SNCAIP: variants seen among roughly 807,000 people sequenced by gnomAD.
The protein encoded by SNCAIP is synphilin-1.
SNCAIP carries 43 observed loss-of-function variants against 86.7 expected under a neutral mutation model. The observed-to-expected ratio is 0.50, with a 90% CI of 0.39 to 0.64. The LOEUF (loss-of-function observed/expected upper bound fraction) is 0.64, where lower values mean the gene tolerates loss of function less well. Among genes scored for constraint, SNCAIP ranks in the 30% least tolerant of loss-of-function variants. The pLI, the probability that SNCAIP is intolerant of heterozygous loss-of-function variation, is 0.00. For synonymous variants in SNCAIP, 417 were observed against 427.2 expected, an observed-to-expected ratio of 0.98 and a Z score of 0.29; for missense variants, 981 against 1,103.1, an observed-to-expected ratio of 0.89 and a Z score of 1.57.
At chr5:122,394,274 T>TA (rs1770108499) in intron 2 of SNCAIP, among the ~76,000 whole-genome samples, 1 of 152,350 alleles carries the variant, frequency 6.6e-6, no homozygotes, top group African/African-American at 2.4e-5. Flanking sequence ...CTAGGCTTTC[T>TA]ATTCCATGGT....
At chr5:122,404,196 G>A (rs960234483) in intron 3 of SNCAIP, among the ~76,000 whole-genome samples, 2 of 152,090 alleles carry the variant, frequency 1.3e-5, no homozygotes, top group Admixed American at 1.3e-4. Flanking sequence ...ACATAATGAT[G>A]CAGGCGCCAA....
At chr5:122,362,284 T>C (rs1378983802) in intron 1 of SNCAIP, among the ~76,000 whole-genome samples, 2 of 152,106 alleles carry the variant, frequency 1.3e-5, no homozygotes, top group Non-Finnish European at 2.9e-5. Context: ...CTATGAGCAA[T>C]AGGTGATGGA....
chr5:122,397,428 C>T (rs893560695), intron 2 of SNCAIP, among the ~76,000 whole-genome samples: 6 of 152,172 alleles, frequency 3.9e-5, no homozygotes, highest in Admixed American at 3.3e-4. Context: ...AGAGTAGTTC[C>T]TGATGCACTC....
intron 6 of SNCAIP, 72 bp downstream of exon 6, chr5:122,432,154 A>C (rs1778540472): frequency 2.7e-6 from 2 of 743,844 alleles, no homozygotes; most frequent in Middle Eastern, 3.0e-4. Flanking sequence ...TTATTAGTCC[A>C]TCAAAATCCA....
intron 2 of SNCAIP, among the ~76,000 whole-genome samples, chr5:122,395,205 C>T (rs562126282): frequency 2.0e-5 from 3 of 152,234 alleles, no homozygotes; most frequent in East Asian, 3.9e-4. Context: ...CATTCCCATC[C>T]GTTAAATGGT....
chr5:122,379,358 A>T (rs1276733341), intron 1 of SNCAIP, among the ~76,000 whole-genome samples: 1 of 52,266 alleles, frequency 1.9e-5, no homozygotes, highest in African/African-American at 8.2e-5. Flanking sequence ...GTTGGTGTAT[A>T]AGAATGCTTG....
intron 1 of SNCAIP, among the ~76,000 whole-genome samples, chr5:122,377,696 C>T (rs1011973932): frequency 3.9e-5 from 5 of 127,880 alleles, no homozygotes; most frequent in Non-Finnish European, 8.1e-5. Context: ...CCCCTCCCCC[C>T]ACCCCACAAC....
chr5:122,463,422 T>C, intron 10 of SNCAIP, 69 bp from the exon 11 acceptor site: 2 of 886,466 alleles, frequency 2.3e-6, no homozygotes, highest in Non-Finnish European at 3.8e-6. Flanking sequence ...GTGAGCTGTT[T>C]AGTGGTATTG....
rs1201595851 is a variant in SNCAIP, at chr5:122,423,532, T to C, written c.795T>C (p.Asp265=). Residue 265 remains aspartate, a synonymous_variant, in exon 4 of 11, where the codon GAT becomes GAC. Coordinates refer to ENST00000261368, the MANE Select transcript of SNCAIP (RefSeq NM_005460.4). ...SKDFLNKTFS[D]PHGRKVEKTT... ...ACTTCCTAAACAAGACATTTAGTGATCCTCATGGTCGAAAAGTTGAGAAGA... is the reference window on the plus strand; with the variant it reads ...ACTTCCTAAACAAGACATTTAGTGACCCTCATGGTCGAAAAGTTGAGAAGA... 6.2e-7 allele frequency: 1 copy of C among 1,613,990 alleles called. No individual in the cohort carries two copies. The highest frequency in any genetic ancestry group is 8.5e-7 in the Non-Finnish European group (1 of 1,180,026).
At chr5:122,432,824 G>A (rs1168421693) in intron 6 of SNCAIP, among the ~76,000 whole-genome samples, 1 of 151,986 alleles carries the variant, frequency 6.6e-6, no homozygotes, top group Non-Finnish European at 1.5e-5. Context: ...TTAAAAAACT[G>A]GAACCACAAA....
intron 1 of SNCAIP, among the ~76,000 whole-genome samples, chr5:122,363,205 A>C (rs950922890): frequency 6.6e-6 from 1 of 152,056 alleles, no homozygotes; most frequent in African/African-American, 2.4e-5. Flanking sequence ...CATGTTGGTC[A>C]GGCTGGTCTC....
intron 1 of SNCAIP, among the ~76,000 whole-genome samples, chr5:122,322,840 A>C (rs1282796170): frequency 3.3e-5 from 5 of 152,232 alleles, no homozygotes; most frequent in Admixed American, 3.3e-4. Context: ...GGACACTTCA[A>C]AATAGAATTT....
intron 3 of SNCAIP, among the ~76,000 whole-genome samples, chr5:122,414,803 G>T (rs1026955161): frequency 6.6e-6 from 1 of 152,188 alleles, no homozygotes; most frequent in Admixed American, 6.5e-5. Context: ...TGAGAAGTCA[G>T]CATGCTATGT....
intron 1 of SNCAIP, among the ~76,000 whole-genome samples, chr5:122,334,288 A>G (rs985314863): frequency 2.0e-5 from 3 of 148,888 alleles, no homozygotes; most frequent in Middle Eastern, 3.4e-3. Context: ...AAAAAAAAAA[A>G]TGAAGCAAGT....
In SNCAIP at chr5:122,451,004, G is replaced by A. The variant is rs753105491; in HGVS notation, c.2157G>A (p.Leu719=). The A allele has an allele frequency of 1.9e-6, 3 of 1,614,058 alleles. No individual in the cohort carries two copies. The highest frequency in any genetic ancestry group is 4.5e-5 in the East Asian group (2 of 44,894). The change falls in exon 10 of 11, where the codon CTG becomes CTA. Residue 719 remains leucine, a synonymous_variant. Coordinates refer to ENST00000261368, the MANE Select transcript of SNCAIP (RefSeq NM_005460.4). ...TGGACAGCGCAGAAAGCCTGCACCT[G>A]ATGATTAAGAAACACACCTTGGCAT... The part of the protein sequence containing the change: ...ESMDSAESLH[L]MIKKHTLASG...
Position 122,444,744 on chromosome 5 carries a change from G to C in SNCAIP, c.1592+12G>C. On this transcript the variant is annotated intron_variant, in intron 8 of 10. Coordinates refer to ENST00000261368, the MANE Select transcript of SNCAIP (RefSeq NM_005460.4). ...AAGCAGCTAAAGGAGTAAGTGGCCT[G>C]TTGGTTCCATGAGAACCAAGTCTAA... 6.2e-7 allele frequency: 1 copy of C among 1,611,986 alleles called. No homozygotes were observed. The highest frequency in any genetic ancestry group is 8.5e-7 in the Non-Finnish European group (1 of 1,178,080).
At chr5:122,380,442 T>C (rs1348507342) in intron 1 of SNCAIP, among the ~76,000 whole-genome samples, 1 of 151,134 alleles carries the variant, frequency 6.6e-6, no homozygotes, top group Admixed American at 6.6e-5. Flanking sequence ...TTTTTCTTCA[T>C]TAGTCTTGCT....
chr5:122,328,489 A>G (rs923806570), intron 1 of SNCAIP, among the ~76,000 whole-genome samples: 4 of 152,302 alleles, frequency 2.6e-5, no homozygotes, highest in East Asian at 1.9e-4. Context: ...ATATTTTCCA[A>G]TATCTAAACA....
chr5:122,380,957 C>A (rs1272845875), intron 1 of SNCAIP, among the ~76,000 whole-genome samples: 1 of 147,328 alleles, frequency 6.8e-6, no homozygotes, highest in Admixed American at 6.7e-5. Context: ...AGCTTTACTT[C>A]CAAGTATGTG....
Sources: allele counts gnomAD v4.1 joint callset (sites outside exome capture counted in the v4.1 genomes callset), GRCh38; gene constraint gnomAD v4.1.1; transcripts MANE v1.5; gene names NCBI Gene and HGNC (gene_info 2026-07-23, HGNC 2026-07-21).